MUSK: variants seen among roughly 807,000 people sequenced by gnomAD.
The protein encoded by MUSK is muscle, skeletal receptor tyrosine-protein kinase.
Under a neutral mutation model 88.7 loss-of-function variants are expected in MUSK, and 55 were observed. The ratio of observed to expected loss-of-function variants is 0.62; its 90% CI spans 0.50 to 0.78. MUSK has a LOEUF of 0.78. MUSK is among the 30% of genes least tolerant of loss of function. The pLI, the probability that MUSK is intolerant of heterozygous loss-of-function variation, is 0.00. For missense variants in MUSK, 1,015 were observed against 1,074.3 expected (o/e 0.94, Z 0.77); for synonymous variants, 387 against 391.9 (o/e 0.99, Z 0.15).
chr9:110,726,000 T>C (rs2076878901), intron 5 of MUSK, among the ~76,000 whole-genome samples: 1 of 151,990 alleles, frequency 6.6e-6, no homozygotes, highest in Non-Finnish European at 1.5e-5. Flanking sequence ...ATACAGCGAA[T>C]AACTATACCT....
chr9:110,673,063 G>T (rs1049581368), intron 1 of MUSK, among the ~76,000 whole-genome samples: 1 of 152,190 alleles, frequency 6.6e-6, no homozygotes, highest in African/African-American at 2.4e-5. Context: ...AAGAGACAGT[G>T]TGCTGAGTCA....
intron 1 of MUSK, among the ~76,000 whole-genome samples, chr9:110,675,526 A>G (rs2076015459): frequency 1.7e-5 from 2 of 115,638 alleles, no homozygotes; most frequent in African/African-American, 6.7e-5. Flanking sequence ...TGGCCGCTAC[A>G]TTGCCTCTTA....
rs533748364 is a variant in MUSK, at chr9:110,719,822, G to A, written c.629-14429G>A. On this transcript the variant is annotated intron_variant, in intron 5 of 14. Coordinates refer to ENST00000374448, the MANE Select transcript of MUSK (RefSeq NM_005592.4). ...CATCAGCACATGGAACATTCTCCAA[G>A]ACAGACCATATGATAGGCCACAAAA... 6.6e-5 allele frequency among the ~76,000 whole-genome samples: 10 copies of A among 152,058 alleles called. No homozygotes were observed. The South Asian group carries it at 2.1e-3, about 32-fold the overall frequency.
At chr9:110,720,270 G>T (rs2076794324) in intron 5 of MUSK, among the ~76,000 whole-genome samples, 1 of 151,058 alleles carries the variant, frequency 6.6e-6, no homozygotes, top group African/African-American at 2.4e-5. Flanking sequence ...AAATTGAAAT[G>T]GAAAAAAATA....
At chr9:110,745,141 A>G (rs1304993430) in intron 6 of MUSK, among the ~76,000 whole-genome samples, 3 of 152,232 alleles carry the variant, frequency 2.0e-5, no homozygotes, top group Admixed American at 2.0e-4. Flanking sequence ...GTACTCAAGC[A>G]TGAACCTCCT....
chr9:110,776,564 C>G, intron 10 of MUSK, 68 bp from the exon 11 acceptor site: 7 of 1,287,998 alleles, frequency 5.4e-6, no homozygotes, highest in Non-Finnish European at 7.9e-6. Flanking sequence ...TTAGCACTCA[C>G]TCTCTCACAG....
At chr9:110,700,747 A>G (rs1417090557) in intron 5 of MUSK, among the ~76,000 whole-genome samples, 1 of 152,162 alleles carries the variant, frequency 6.6e-6, no homozygotes, top group Non-Finnish European at 1.5e-5. Context: ...GATAATGCAC[A>G]AGGGTTGTAT....
At position 110,697,488 on chromosome 9, in the gene MUSK, C is replaced by G. The variant is rs41279053; in HGVS notation, c.628+22C>G. 91,419 of 1,601,228 alleles carry G rather than the reference C, an allele frequency of 0.057. 2,792 individuals are homozygous for G. Among genetic ancestry groups the G allele is most frequent in the East Asian group, 0.089 (3,934 of 44,450 alleles). On this transcript the variant is annotated intron_variant, in intron 5 of 14. Transcript: ENST00000374448. ...GAGGGTAAGGAGCTGCATTTCTTCC[C>G]CTGACTGTGTGACCAGGGGCCTCAC...
At chr9:110,681,184 T>C (rs1289799705) in intron 1 of MUSK, among the ~76,000 whole-genome samples, 1 of 87,076 alleles carries the variant, frequency 1.1e-5, no homozygotes, top group Non-Finnish European at 2.3e-5. Flanking sequence ...ATATATATTA[T>C]AACAATCCTT....
intron 1 of MUSK, among the ~76,000 whole-genome samples, chr9:110,671,261 C>T (rs565258553): frequency 2.0e-5 from 3 of 152,260 alleles, no homozygotes; most frequent in East Asian, 3.9e-4. Context: ...TGAGCCACTG[C>T]GCCAGCCATT....
In MUSK at chr9:110,732,908, C is replaced by T. The variant is rs551861272; in HGVS notation, c.629-1343C>T. On this transcript the variant is annotated intron_variant, in intron 5 of 14. Transcript: ENST00000374448. ...CCAATAGTCAAACAAATCAAATGTT[C>T]CTTAATCTCTTTAAATTATGCAATG... 2.8e-4 allele frequency among the ~76,000 whole-genome samples: 43 copies of T among 152,118 alleles called. No homozygotes were observed. The South Asian group carries it at 8.3e-3, about 29-fold the overall frequency.
At chr9:110,788,470 A>G (rs1275192052) in intron 14 of MUSK, among the ~76,000 whole-genome samples, 1 of 152,002 alleles carries the variant, frequency 6.6e-6, no homozygotes, top group Admixed American at 6.5e-5. Flanking sequence ...CATCTCTACT[A>G]AAAATAGAAA....
At chr9:110,669,326 C>A (rs3001125) in intron 1 of MUSK, among the ~76,000 whole-genome samples, 101,966 of 152,036 alleles carry the variant, frequency 0.67, 35,762 homozygotes, top group African/African-American at 0.86. Context: ...TGGATGATGA[C>A]AACCTTTTCG....
rs1444723626 is a variant in MUSK, at chr9:110,802,507, A to G, written c.*1519A>G. On this transcript the variant is annotated 3_prime_UTR_variant, in exon 15 of 15. Coordinates refer to ENST00000374448, the MANE Select transcript of MUSK (RefSeq NM_005592.4). ...GCTGTCTGCTGGAAAACTCTGCCTG[A>G]AATCCCCAAATCTGCCTCATGTAAC... Among the ~76,000 whole-genome samples the G allele has an allele frequency of 6.6e-6, 1 of 152,216 alleles. No homozygotes were observed. The highest frequency in any genetic ancestry group is 2.4e-5 in the African/African-American group (1 of 41,462).
chr9:110,685,451 T>C (rs1488478962), intron 2 of MUSK, among the ~76,000 whole-genome samples: 1 of 152,096 alleles, frequency 6.6e-6, no homozygotes, highest in East Asian at 1.9e-4. Context: ...ACTTATCTTT[T>C]CCTCTTGAAT....
intron 3 of MUSK, among the ~76,000 whole-genome samples, chr9:110,689,190 TCATATA>T (rs1320636510): frequency 5.0e-5 from 6 of 120,148 alleles, no homozygotes; most frequent in Admixed American, 9.6e-5. Flanking sequence ...TATAAATATA[TCATATA>T]TATATTCATA....
intron 1 of MUSK, among the ~76,000 whole-genome samples, chr9:110,677,401 T>G (rs1439201377): frequency 6.6e-6 from 1 of 152,182 alleles, no homozygotes; most frequent in Non-Finnish European, 1.5e-5. Context: ...AGGTCCTTAT[T>G]TAACTTAACG....
chr9:110,778,141 A>C (rs911113928), intron 11 of MUSK, among the ~76,000 whole-genome samples: 2 of 152,128 alleles, frequency 1.3e-5, no homozygotes, highest in Non-Finnish European at 2.9e-5. Context: ...GGGTCACAAA[A>C]GAGCTGTTAA....
At chr9:110,775,737 G>T in intron 9 of MUSK, 51 bp from the exon 10 acceptor site, 1 of 1,534,082 alleles carries the variant, frequency 6.5e-7, no homozygotes, top group Non-Finnish European at 9.0e-7. Flanking sequence ...CCACAAATTT[G>T]CTTTAACATG....
Sources: allele counts gnomAD v4.1 joint callset (sites outside exome capture counted in the v4.1 genomes callset), GRCh38; gene constraint gnomAD v4.1.1; transcripts MANE v1.5; gene names NCBI Gene and HGNC (gene_info 2026-07-23, HGNC 2026-07-21).